Variants in ANKRD2 observed in about 807,000 individuals in gnomAD.
ANKRD2 encodes the protein ankyrin repeat domain 2.
In ANKRD2, 35 loss-of-function variants were observed where a neutral mutation model predicts 37.3. The ratio of observed to expected loss-of-function variants is 0.94; its 90% CI spans 0.72 to 1.24. The LOEUF (loss-of-function observed/expected upper bound fraction) is 1.24, where lower values mean the gene tolerates loss of function less well. ANKRD2 is among the 50% of genes most tolerant of loss of function. The pLI, the probability that ANKRD2 is intolerant of heterozygous loss-of-function variation, is 0.00. For missense variants in ANKRD2, 410 were observed against 445.6 expected (o/e 0.92, Z 0.72); for synonymous variants, 159 against 186.5 (o/e 0.85, Z 1.20).
rs113936857 is a variant in ANKRD2 at position 97,582,737 on chromosome 10, G to A, written c.852+35G>A. 340 of 1,595,132 alleles carry A rather than the reference G, an allele frequency of 2.1e-4. No homozygotes were observed. The African/African-American group carries it at 2.8e-3, about 13-fold the overall frequency. Reference sequence around the variant, plus strand: ...TTCCCTCCTTGATTCAGTCACTGGCGTGAGCACTCATACAGTGGAGGTGCT... The same window carrying A: ...TTCCCTCCTTGATTCAGTCACTGGCATGAGCACTCATACAGTGGAGGTGCT... On this transcript the variant is annotated intron_variant, in intron 8 of 8. Transcript: ENST00000370655.
chr10:97,578,115 G>A (rs2040847774), intron 2 of ANKRD2, 125 bp from the exon 3 acceptor site: 1 of 1,273,110 alleles, frequency 7.9e-7, no homozygotes, highest in Admixed American at 2.5e-5. Context: ...GATAGACCTT[G>A]GTTCCTTCTT....
chr10:97,574,707 GAGGA>G (rs956498103), intron 1 of ANKRD2, among the ~76,000 whole-genome samples: 4 of 152,158 alleles, frequency 2.6e-5, no homozygotes, highest in Non-Finnish European at 5.9e-5. Flanking sequence ...GAGGGGTGAG[GAGGA>G]AGGAAGGGTC....
chr10:97,582,709 T>C lies in ANKRD2; in HGVS notation c.852+7T>C. The C allele has an allele frequency of 6.2e-7, 1 of 1,613,542 alleles. No individual in the cohort carries two copies. The highest frequency in any genetic ancestry group is 8.5e-7 in the Non-Finnish European group (1 of 1,179,644). ...CATGATGACCAAGAACCTGGTAAGCTCATTCCCTCCTTGATTCAGTCACTG... is the reference window on the plus strand; with the variant it reads ...CATGATGACCAAGAACCTGGTAAGCCCATTCCCTCCTTGATTCAGTCACTG... On this transcript the variant is annotated splice_region_variant and intron_variant, in intron 8 of 8. Coordinates refer to ENST00000370655, the MANE Select transcript of ANKRD2 (RefSeq NM_001346793.2).
intron 1 of ANKRD2, among the ~76,000 whole-genome samples, chr10:97,576,788 C>T (rs528129730): frequency 1.3e-5 from 2 of 151,964 alleles, no homozygotes; most frequent in African/African-American, 4.8e-5. Context: ...CCTCCACCTC[C>T]TGGGTTCAAG....
intron 1 of ANKRD2, among the ~76,000 whole-genome samples, chr10:97,574,930 C>CAGAG (rs1463869808): frequency 6.7e-6 from 1 of 148,236 alleles, no homozygotes; most frequent in Non-Finnish European, 1.5e-5. Flanking sequence ...CAAGGGGACG[C>CAGAG]AGAGCAGTGT....
intron 1 of ANKRD2, among the ~76,000 whole-genome samples, chr10:97,577,538 G>A (rs764584289): frequency 6.6e-6 from 1 of 152,222 alleles, no homozygotes; most frequent in African/African-American, 2.4e-5. Context: ...GGCCTTTAAT[G>A]TTGTTTTGCA....
In ANKRD2 at chr10:97,580,859, G is replaced by T; in HGVS notation, c.461G>T (p.Arg154Leu). Residue 154 changes from arginine (R) to leucine (L), a missense_variant, in exon 5 of 9, where the codon CGT (arginine) becomes CTT (leucine). By Grantham distance (102) the Arg-to-Leu change is moderately radical. Coordinates refer to ENST00000370655, the MANE Select transcript of ANKRD2 (RefSeq NM_001346793.2). The stretch of plus-strand genomic sequence containing the variant: ...TGACAGCCTCTCTGGGGACAGTTCC[G>T]TCGGACAGCACTGCACCGAGCTTCC... ...GGSADTCDQF[R>L]RTALHRASLE... The T allele has an allele frequency of 6.2e-7, 1 of 1,610,070 alleles. No homozygotes were observed. Among genetic ancestry groups the T allele is most frequent in the Non-Finnish European group, 8.5e-7 (1 of 1,178,494 alleles).
chr10:97,578,144 G>GGCCCCCCCCCCCCCC, intron 2 of ANKRD2, 96 bp from the exon 3 acceptor site: 12 of 685,418 alleles, frequency 1.8e-5, no homozygotes, highest in East Asian at 2.7e-5. Flanking sequence ...GGGTCTTCCT[G>GGCCCCCCCCCCCCCC]CCCACCCCAC....
chr10:97,581,507 G>T (rs2040898568), intron 6 of ANKRD2, 93 bp downstream of exon 6: 9 of 1,261,740 alleles, frequency 7.1e-6, no homozygotes, highest in Non-Finnish European at 1.0e-5. Flanking sequence ...GGGGCAGGAA[G>T]GTAGTGAGCT....
At chr10:97,575,468 A>G (rs1402671028) in intron 1 of ANKRD2, among the ~76,000 whole-genome samples, 1 of 152,214 alleles carries the variant, frequency 6.6e-6, no homozygotes, top group Non-Finnish European at 1.5e-5. Flanking sequence ...AGAGCCTGTC[A>G]CAGATGCTGG....
intron 4 of ANKRD2, 87 bp from the exon 5 acceptor site, chr10:97,580,768 G>C (rs1351626070): frequency 6.2e-6 from 6 of 965,216 alleles, no homozygotes; most frequent in Non-Finnish European, 9.4e-6. Context: ...AATCAAGCTG[G>C]GGGGAAGGCC....
At chr10:97,574,623 C>T (rs926426132) in intron 1 of ANKRD2, among the ~76,000 whole-genome samples, 2 of 152,106 alleles carry the variant, frequency 1.3e-5, no homozygotes, top group Admixed American at 6.5e-5. Flanking sequence ...AAGGCTGGCC[C>T]TAGCAGGAAT....
chr10:97,582,833 A>C (rs2040919720), intron 8 of ANKRD2, 131 bp downstream of exon 8: 1 of 733,006 alleles, frequency 1.4e-6, no homozygotes, highest in Admixed American at 2.2e-5. Flanking sequence ...ATAGTACATA[A>C]ACTTGTCCTC....
At chr10:97,579,788 A>T (rs2040874479) in intron 4 of ANKRD2, among the ~76,000 whole-genome samples, 1 of 151,976 alleles carries the variant, frequency 6.6e-6, no homozygotes, top group African/African-American at 2.4e-5. Flanking sequence ...AGGTTTCAAC[A>T]TGTTGGCCCT....
At position 97,579,999 on chromosome 10, in the gene ANKRD2, G is replaced by A. The variant is rs149289680; in HGVS notation, c.457-856G>A. Among the ~76,000 whole-genome samples, 506 of 152,134 alleles carry A rather than the reference G, an allele frequency of 3.3e-3. 1 individual carries two copies. Among genetic ancestry groups the A allele is most frequent in the Middle Eastern group, 0.02 (6 of 294 alleles). On this transcript the variant is annotated intron_variant, in intron 4 of 8. Coordinates refer to ENST00000370655, the MANE Select transcript of ANKRD2 (RefSeq NM_001346793.2). ...CTTCCCGGGGTGCTTTCTTGCTCTC[G>A]TATCCTGGAATTTGGCACATTAGTG...
chr10:97,573,920 A>C (rs1035568128), intron 1 of ANKRD2, among the ~76,000 whole-genome samples: 5 of 152,146 alleles, frequency 3.3e-5, no homozygotes, highest in African/African-American at 1.2e-4. Context: ...GACTAAATAG[A>C]GGTGTGAATC....
At chr10:97,578,197 A>G in intron 2 of ANKRD2, 43 bp from the exon 3 acceptor site, 1 of 1,572,772 alleles carries the variant, frequency 6.4e-7, no homozygotes, top group Non-Finnish European at 8.6e-7. Flanking sequence ...AGCCCCCCAA[A>G]CTCTCTGCCC....
intron 1 of ANKRD2, among the ~76,000 whole-genome samples, chr10:97,576,760 G>C (rs1242233921): frequency 6.6e-6 from 1 of 151,284 alleles, no homozygotes; most frequent in African/African-American, 2.4e-5. Context: ...ATAGTGGCAC[G>C]ATCTTGGCTC....
rs200702482 is a variant in ANKRD2, at chr10:97,583,543, G to C, written c.853-33G>C. On this transcript the variant is annotated intron_variant, in intron 8 of 8. Coordinates refer to ENST00000370655, the MANE Select transcript of ANKRD2 (RefSeq NM_001346793.2). ...CAGGACAGTTAACAGATTTTCTCTTGCCAACCCCCACGCCCCGTCCCGCCC... is the reference window on the plus strand; with the variant it reads ...CAGGACAGTTAACAGATTTTCTCTTCCCAACCCCCACGCCCCGTCCCGCCC... The C allele has an allele frequency of 2.9e-4, 449 of 1,545,382 alleles. 2 individuals are homozygous for C. In the East Asian group the frequency reaches 4.8e-3, roughly 16 times the overall value.
Sources: gnomAD v4.1 joint callset for allele counts (sites outside exome capture counted in the v4.1 genomes callset) on GRCh38, gnomAD v4.1.1 for gene constraint, MANE v1.5 for transcripts, NCBI Gene and HGNC (gene_info 2026-07-23, HGNC 2026-07-21) for gene names.